The following DUSP22 variants were observed in gnomAD, a reference collection of about 807,000 sequenced individuals.
DUSP22 encodes the protein dual specificity phosphatase 22.
In DUSP22, 24 loss-of-function variants were observed where a neutral mutation model predicts 24.5. The observed-to-expected ratio is 0.98, with a 90% CI of 0.71 to 1.38. The LOEUF (loss-of-function observed/expected upper bound fraction) is 1.38, where lower values mean the gene tolerates loss of function less well. Ranked by LOEUF, DUSP22 falls within the 40% of genes most tolerant of loss-of-function variation. The pLI, the probability that DUSP22 is intolerant of heterozygous loss-of-function variation, is 0.00. For missense variants in DUSP22, 330 were observed against 269.2 expected, an observed-to-expected ratio of 1.23 and a Z score of -1.58; for synonymous variants, 160 against 106.4, an observed-to-expected ratio of 1.50 and a Z score of -3.10.
At chr6:310,741 T>G (rs1175709001) in intron 2 of DUSP22, among the ~76,000 whole-genome samples, 1 of 152,310 alleles carries the variant, frequency 6.6e-6, no homozygotes, top group African/African-American at 2.4e-5. Context: ...TAAAAAAATA[T>G]TTTAAATATC....
rs1487977131 is a variant in DUSP22 at position 342,495 on chromosome 6, C to G, written c.189-3359C>G. Among the ~76,000 whole-genome samples, 5 of 152,306 alleles carry G rather than the reference C, an allele frequency of 3.3e-5. No homozygotes were observed. In the East Asian group the frequency reaches 9.6e-4, roughly 29 times the overall value. On this transcript the variant is annotated intron_variant, in intron 4 of 6. Coordinates refer to ENST00000419235, the MANE Select transcript of DUSP22 (RefSeq NM_001286555.3). ...CTGCAGCCTGCAAGGAGGGCAGGCA[C>G]CCAGTGTAAACCACCAGGCAAGTTG...
At chr6:332,002 G>A (rs1212962053) in intron 3 of DUSP22, among the ~76,000 whole-genome samples, 1 of 152,304 alleles carries the variant, frequency 6.6e-6, no homozygotes, top group Admixed American at 6.5e-5. Context: ...CCCAGCTCTC[G>A]TTTCGTGGTC....
Position 349,264 on chromosome 6 carries a change from TGTGA to T in DUSP22, c.*319_*322del, listed in dbSNP as rs1169948891. ...CTAAGTGGATGCATGTGTGTGCCTGTGTGAGTGAGGGTATGTGCACCTAAGTGTG... is the reference window on the plus strand; with the variant it reads ...CTAAGTGGATGCATGTGTGTGCCTGTGTGAGGGTATGTGCACCTAAGTGTG... On this transcript the variant is annotated 3_prime_UTR_variant, in exon 7 of 7. Transcript: ENST00000419235. 2.6e-5 allele frequency: 34 copies of T among 1,326,626 alleles called. No individual in the cohort carries two copies. The highest frequency in any genetic ancestry group is 2.8e-4 in the Middle Eastern group (1 of 3,522). 82.2% of individuals were successfully genotyped at this position (1,326,626 alleles called of 1,614,324 possible). A position where few individuals can be genotyped will look rare whatever the true frequency, so the allele number is the denominator to read the frequency against.
chr6:313,786 A>G (rs1581159008), intron 3 of DUSP22, among the ~76,000 whole-genome samples: 1 of 152,308 alleles, frequency 6.6e-6, no homozygotes, highest in South Asian at 2.1e-4. Flanking sequence ...TAATTTCACA[A>G]GTAATTCATG....
At chr6:301,827 C>T (rs188681736) in intron 1 of DUSP22, among the ~76,000 whole-genome samples, 86 of 152,396 alleles carry the variant, frequency 5.6e-4, no homozygotes, top group Non-Finnish European at 9.3e-4. Context: ...TGCAGCAAGC[C>T]GGGCTCCAGA....
At chr6:294,389 C>T (rs1170908005) in intron 1 of DUSP22, among the ~76,000 whole-genome samples, 3 of 152,262 alleles carry the variant, frequency 2.0e-5, no homozygotes, top group African/African-American at 7.2e-5. Flanking sequence ...GTAAATGACC[C>T]AAAGATTCTT....
intron 1 of DUSP22, among the ~76,000 whole-genome samples, chr6:298,562 G>GT (rs1307059301): frequency 3.3e-5 from 5 of 152,426 alleles, no homozygotes; most frequent in South Asian, 4.1e-4. Context: ...GCTTAAGTGC[G>GT]TTTTTGTGGC....
At chr6:294,820 T>A (rs1190966788) in intron 1 of DUSP22, among the ~76,000 whole-genome samples, 1 of 152,132 alleles carries the variant, frequency 6.6e-6, no homozygotes, top group African/African-American at 2.4e-5. Flanking sequence ...TAGGGAGGAG[T>A]AGAGGCTCCA....
intron 1 of DUSP22, among the ~76,000 whole-genome samples, chr6:294,186 T>C (rs1193838950): frequency 6.6e-6 from 1 of 152,302 alleles, no homozygotes; most frequent in Non-Finnish European, 1.5e-5. Flanking sequence ...TCATATACTT[T>C]TTACCTTTCA....
At position 350,751 on chromosome 6, in the gene DUSP22, T is replaced by G. The variant is rs1760163492; in HGVS notation, c.*1800T>G. The G allele has an allele frequency of 3.1e-6, 5 of 1,613,670 alleles. No individual in the cohort carries two copies. Among genetic ancestry groups the G allele is most frequent in the Admixed American group, 1.7e-5 (1 of 59,968 alleles). Reference sequence around the variant, plus strand: ...TTAAATATGTGCACCTTTACAAACCTCTCAGTGTATTCTTGGAGTTCTTGA... The same window carrying G: ...TTAAATATGTGCACCTTTACAAACCGCTCAGTGTATTCTTGGAGTTCTTGA... On this transcript the variant is annotated 3_prime_UTR_variant, in exon 7 of 7. Transcript: ENST00000419235.
rs914177911 is a variant in DUSP22 at position 335,667 on chromosome 6, T to C, written c.188+504T>C. ...AAATATTATTTTGATATGTACTCAA[T>C]ATAAAAAATTAATGAGCAAGTTTAT... On this transcript the variant is annotated intron_variant, in intron 4 of 6. Coordinates refer to ENST00000419235, the MANE Select transcript of DUSP22 (RefSeq NM_001286555.3). Among the ~76,000 whole-genome samples the C allele has an allele frequency of 1.1e-4, 17 of 152,420 alleles. No homozygotes were observed. In the South Asian group the frequency reaches 3.5e-3, roughly 32 times the overall value.
At chr6:312,688 T>G (rs1166229743) in intron 3 of DUSP22, among the ~76,000 whole-genome samples, 1 of 152,302 alleles carries the variant, frequency 6.6e-6, no homozygotes, top group Non-Finnish European at 1.5e-5. Context: ...GAGGGGTGGC[T>G]TGTTCTGAAA....
chr6:308,284 G>A (rs1432578198), intron 2 of DUSP22, among the ~76,000 whole-genome samples: 1 of 152,308 alleles, frequency 6.6e-6, no homozygotes, highest in African/African-American at 2.4e-5. Context: ...TGCACATTAG[G>A]AAACTCCACC....
intron 1 of DUSP22, among the ~76,000 whole-genome samples, chr6:296,553 C>G (rs1581139127): frequency 1.3e-5 from 2 of 152,418 alleles, no homozygotes; most frequent in Non-Finnish European, 2.9e-5. Flanking sequence ...TCCTGTGGAG[C>G]CTTTGAAAAC....
At chr6:343,437 C>T (rs1335409590) in intron 4 of DUSP22, among the ~76,000 whole-genome samples, 1 of 115,812 alleles carries the variant, frequency 8.6e-6, no homozygotes, top group East Asian at 3.0e-4. Flanking sequence ...GTCTCCCAGT[C>T]TGCTCACGCT....
At chr6:307,184 T>C (rs3778597) in intron 2 of DUSP22, among the ~76,000 whole-genome samples, 29,916 of 144,802 alleles carry the variant, frequency 0.21, 193 homozygotes, top group African/African-American at 0.31. Flanking sequence ...CTTTTAAAAT[T>C]ACGAGTAATA....
At chr6:332,404 T>G (rs1324622024) in intron 3 of DUSP22, among the ~76,000 whole-genome samples, 1 of 152,310 alleles carries the variant, frequency 6.6e-6, no homozygotes, top group Non-Finnish European at 1.5e-5. Flanking sequence ...GGTTCCCAGA[T>G]GGAGAGATAG....
rs200752519 is a variant in DUSP22, at chr6:348,730, A to G, written c.436-39A>G. On this transcript the variant is annotated intron_variant, in intron 6 of 6. Coordinates refer to ENST00000419235, the MANE Select transcript of DUSP22 (RefSeq NM_001286555.3). ...AGCCCACGTGGATGCAGACGTGCAC[A>G]TGTGTGTGACGTTTCGGGTTTGTTT... The G allele has an allele frequency of 5.8e-4, 936 of 1,613,000 alleles. 1 individual carries two copies. The East Asian group carries it at 0.019, about 33-fold the overall frequency.
chr6:348,373 G>A (rs1389946738), intron 6 of DUSP22, 99 bp downstream of exon 6: 78 of 1,559,396 alleles, frequency 5.0e-5, no homozygotes, highest in Non-Finnish European at 6.1e-5. Context: ...GTTTGGAGTT[G>A]AAAGGCCCAC....
Sources: gnomAD v4.1 joint callset for allele counts (sites outside exome capture counted in the v4.1 genomes callset) on GRCh38, gnomAD v4.1.1 for gene constraint, MANE v1.5 for transcripts, NCBI Gene and HGNC (gene_info 2026-07-23, HGNC 2026-07-21) for gene names.